Variants in RPL28 observed in about 807,000 individuals in gnomAD.
RPL28 encodes the protein ribosomal protein L28.
Under a neutral mutation model 12.5 loss-of-function variants are expected in RPL28, and 4 were observed. The ratio of observed to expected loss-of-function variants is 0.32; its 90% confidence interval spans 0.16 to 0.73. The LOEUF (loss-of-function observed/expected upper bound fraction) is 0.73. RPL28 is among the 30% of genes least tolerant of loss of function. RPL28 has a pLI of 0.66. For missense variants in RPL28, 214 were observed against 197.7 expected (o/e 1.08, Z -0.49); for synonymous variants, 91 against 72.5 (o/e 1.26, Z -1.30).
chr19:55,399,359 G>T (rs1348412521), intron 4 of RPL28, among the ~76,000 whole-genome samples: 2 of 152,092 alleles, frequency 1.3e-5, no homozygotes, highest in Non-Finnish European at 2.9e-5. Context: ...TAGAGACAGG[G>T]TTTCACCATG....
downstream of RPL28, among the ~76,000 whole-genome samples, chr19:55,392,652 C>G (rs1395309871): frequency 6.6e-6 from 1 of 152,096 alleles, no homozygotes; most frequent in Non-Finnish European, 1.5e-5. Flanking sequence ...CCAGCCTCCC[C>G]AGGAGCTGGG....
In RPL28 at chr19:55,386,427, A is replaced by T; in HGVS notation, c.70A>T (p.Thr24Ser). 2 of 1,614,024 alleles carry T rather than the reference A, an allele frequency of 1.2e-6. No homozygotes were observed. ...TTTCCTGATCAAGAGGAATAAGCAGACCTACAGCACTGTAAGTGGGGCCCG... is the reference window on the plus strand; with the variant it reads ...TTTCCTGATCAAGAGGAATAAGCAGTCCTACAGCACTGTAAGTGGGGCCCG... ...SSFLIKRNKQ[T>S]YSTEPNNLKA... is the part of the protein sequence containing the mutation. Residue 24 changes from threonine to serine, a missense_variant, in exon 2 of 5, where the codon ACC (threonine) becomes TCC (serine). Thr to Ser is a moderately conservative substitution (Grantham distance 58, BLOSUM62 1). Coordinates refer to ENST00000344063, the MANE Select transcript of RPL28 (RefSeq NM_000991.5).
chr19:55,398,269 T>C (rs144055507), intron 4 of RPL28, among the ~76,000 whole-genome samples: 1 of 152,310 alleles, frequency 6.6e-6, no homozygotes, highest in East Asian at 1.9e-4. Flanking sequence ...AGGAAGGAGT[T>C]ACCCCGGCAT....
chr19:55,387,151 A>T (rs1167759794), intron 3 of RPL28: 6 of 1,283,462 alleles, frequency 4.7e-6, no homozygotes, highest in Non-Finnish European at 6.6e-6. Flanking sequence ...GGTCTTGGGG[A>T]CCCCACTCCA....
At chr19:55,397,212 T>C (rs544816831) in intron 4 of RPL28, among the ~76,000 whole-genome samples, 53 of 152,284 alleles carry the variant, frequency 3.5e-4, no homozygotes, top group African/African-American at 1.3e-3. Flanking sequence ...ACCACCACCA[T>C]ATGTATGTTT....
intron 4 of RPL28, among the ~76,000 whole-genome samples, chr19:55,397,737 T>C (rs1377719429): frequency 7.1e-6 from 1 of 141,018 alleles, no homozygotes; most frequent in African/African-American, 2.6e-5. Flanking sequence ...GGCATGGTGG[T>C]GCGTGCTTAT....
chr19:55,390,692 G>A lies in RPL28; in HGVS notation c.*2360G>A, dbSNP rs1298529132. 5 of 985,276 alleles carry A rather than the reference G, an allele frequency of 5.1e-6. No individual in the cohort carries two copies. The African/African-American group carries it at 5.2e-5, about 10-fold the overall frequency. 61.0% of individuals were successfully genotyped at this position (985,276 alleles called of 1,614,324 possible). ...CAGCTTAGTGGGCCTCTGTTCCTGC[G>A]GGTGGCCAGCCTGTCTGTGTGGCTG... On this transcript the variant is annotated 3_prime_UTR_variant, in exon 5 of 5. Transcript: ENST00000344063.
At chr19:55,396,802 G>A (rs962144812), downstream of RPL28, among the ~76,000 whole-genome samples, 20 of 150,468 alleles carry the variant, frequency 1.3e-4, no homozygotes, top group Admixed American at 4.0e-4. Context: ...GGATGTTCTC[G>A]ATCTCCTGAC....
At chr19:55,392,384 C>A (rs981705404), downstream of RPL28, among the ~76,000 whole-genome samples, 1 of 152,116 alleles carries the variant, frequency 6.6e-6, no homozygotes, top group African/African-American at 2.4e-5. Flanking sequence ...GTGTGCAGCA[C>A]CACGCCTGGC....
rs1318113228 is a variant in RPL28 at position 55,387,953 on chromosome 19, T to C, written c.229T>C (p.Tyr77His). ...AGGCCAGCGGAAGCCTGCCACCTCC[T>C]ATGTGCGGACCACCATCAACAAGAA... ...RSGQRKPATS[Y>H]VRTTINKNAR... The change falls in exon 4 of 5, where the codon TAT becomes CAT. Residue 77 changes from tyrosine (Y) to histidine (H), a missense_variant. Physicochemically the swap from Tyr to His is moderately conservative, Grantham distance 83. Coordinates refer to ENST00000344063, the MANE Select transcript of RPL28 (RefSeq NM_000991.5). 1 of 1,593,330 alleles carries C rather than the reference T, an allele frequency of 6.3e-7. No homozygotes were observed. Among genetic ancestry groups the C allele is most frequent in the Admixed American group, 1.7e-5 (1 of 57,916 alleles).
At chr19:55,401,495 C>G (rs767659246) in intron 4 of RPL28, 1 of 1,609,418 alleles carries the variant, frequency 6.2e-7, no homozygotes, top group Admixed American at 1.7e-5. Flanking sequence ...AGCTTCTTAT[C>G]GCGCTCGCCA....
intron 4 of RPL28, chr19:55,400,726 T>C (rs1025633028): frequency 2.6e-5 from 4 of 152,462 alleles, no homozygotes; most frequent in East Asian, 1.9e-4. Context: ...AGCTCAGCCG[T>C]GTCCAGACTT....
downstream of RPL28, among the ~76,000 whole-genome samples, chr19:55,393,266 CA>C (rs1402665200): frequency 5.0e-5 from 6 of 121,054 alleles, no homozygotes; most frequent in African/African-American, 1.7e-4. Context: ...CCCCGACCCC[CA>C]TGAGGAATAA....
At chr19:55,397,708 T>C (rs2090033078) in intron 4 of RPL28, among the ~76,000 whole-genome samples, 1 of 147,094 alleles carries the variant, frequency 6.8e-6, no homozygotes, top group African/African-American at 2.5e-5. Context: ...GTTGTGTATG[T>C]CCAAGTACAT....
chr19:55,388,953 G>A lies in RPL28; in HGVS notation c.*621G>A. The A allele has an allele frequency of 1.0e-6, 1 of 985,496 alleles. No individual in the cohort carries two copies. The highest frequency in any genetic ancestry group is 1.2e-6 in the Non-Finnish European group (1 of 830,002). 61.0% of individuals were successfully genotyped at this position (985,496 alleles called of 1,614,324 possible). On this transcript the variant is annotated 3_prime_UTR_variant, in exon 5 of 5. Transcript: ENST00000344063. ...AGCCAGCAGGCATTGAGCAGCCTTA[G>A]CATTGTCCCCCTACTCCCGTCCTCC...
At chr19:55,393,311 C>T (rs567161863), downstream of RPL28, among the ~76,000 whole-genome samples, 7 of 138,758 alleles carry the variant, frequency 5.0e-5, no homozygotes, top group East Asian at 2.2e-4. Context: ...CAGCAAGGCC[C>T]GGGATCTGGC....
chr19:55,403,270 A>C, downstream of RPL28: 1 of 573,780 alleles, frequency 1.7e-6, no homozygotes, highest in East Asian at 2.9e-5. Context: ...GTTTTACGGC[A>C]TGTAAGCTCA....
Position 55,387,816 on chromosome 19 carries a change from C to T in RPL28, c.206-114C>T, listed in dbSNP as rs564021631. On this transcript the variant is annotated intron_variant, in intron 3 of 4. Transcript: ENST00000344063. Reference sequence around the variant, plus strand: ...CTACCTGCTGGCCTGCCCAGGCACCCGCCACGGGCCCACGCTGCTCAGCTT... The same window carrying T: ...CTACCTGCTGGCCTGCCCAGGCACCTGCCACGGGCCCACGCTGCTCAGCTT... 164 of 1,470,040 alleles carry T rather than the reference C, an allele frequency of 1.1e-4. No homozygotes were observed. In the East Asian group the frequency reaches 1.8e-3, roughly 16 times the overall value. The allele number at this position is 1,470,040 out of a possible 1,614,324, so 91.1% of individuals were successfully genotyped here.
chr19:55,398,025 G>A (rs2090034987), intron 4 of RPL28, among the ~76,000 whole-genome samples: 1 of 151,952 alleles, frequency 6.6e-6, no homozygotes, highest in South Asian at 2.1e-4. Context: ...GTGAAACCCT[G>A]TCTCTACTAA....
Sources: allele counts gnomAD v4.1 joint callset (sites outside exome capture counted in the v4.1 genomes callset), GRCh38; gene constraint gnomAD v4.1.1; transcripts MANE v1.5; gene names NCBI Gene and HGNC (gene_info 2026-07-23, HGNC 2026-07-21).